Variants in CCDC138 observed in about 807,000 individuals in gnomAD.
CCDC138 encodes coiled-coil domain containing 138, also known as coiled-coil domain-containing protein 138.
CCDC138 carries 66 observed loss-of-function variants against 82.3 expected under a neutral mutation model. That is an observed-to-expected ratio of 0.80 (90% CI 0.66 to 0.98). The LOEUF (loss-of-function observed/expected upper bound fraction) is 0.98, where lower values mean the gene tolerates loss of function less well. CCDC138 is among the 50% of genes least tolerant of loss of function. CCDC138 has a pLI of 0.00. For synonymous variants in CCDC138, 297 were observed against 265.4 expected (o/e 1.12, Z -1.16); for missense variants, 816 against 758.9 (o/e 1.08, Z -0.88).
chr2:108,863,604 G>C (rs1693957999), intron 13 of CCDC138, among the ~76,000 whole-genome samples: 1 of 152,154 alleles, frequency 6.6e-6, no homozygotes, highest in Non-Finnish European at 1.5e-5. Context: ...ATTCTGGTTT[G>C]TTGACTTTAA....
intron 12 of CCDC138, among the ~76,000 whole-genome samples, chr2:108,854,014 T>TATAATAA (rs1330328255): frequency 8.6e-6 from 1 of 116,344 alleles, no homozygotes. Flanking sequence ...ATATATAATA[T>TATAATAA]ATAATAAATT....
At chr2:108,843,876 G>GTGTGTGTT (rs1187530203) in intron 11 of CCDC138, among the ~76,000 whole-genome samples, 1,935 of 13,742 alleles carry the variant, frequency 0.14, 64 homozygotes, top group African/African-American at 0.18. Context: ...GTGTGTGTGT[G>GTGTGTGTT]TGTTTCTTTC....
At chr2:108,806,684 A>G (rs915743327) in intron 7 of CCDC138, among the ~76,000 whole-genome samples, 6 of 152,356 alleles carry the variant, frequency 3.9e-5, no homozygotes, top group African/African-American at 1.4e-4. Context: ...AGCAATGGGC[A>G]TATTTAGCCA....
At chr2:108,819,603 GAA>G (rs1304713366) in intron 10 of CCDC138, among the ~76,000 whole-genome samples, 2 of 152,204 alleles carry the variant, frequency 1.3e-5, no homozygotes, top group Non-Finnish European at 2.9e-5. Context: ...AAGACTGTCA[GAA>G]ACACACATAG....
At chr2:108,824,014 A>G (rs1365585273) in intron 10 of CCDC138, among the ~76,000 whole-genome samples, 1 of 152,112 alleles carries the variant, frequency 6.6e-6, no homozygotes, top group Non-Finnish European at 1.5e-5. Flanking sequence ...ACACCTGAAT[A>G]GAGCACTTAA....
chr2:108,794,941 T>A (rs1169553552), intron 5 of CCDC138, among the ~76,000 whole-genome samples: 1 of 152,190 alleles, frequency 6.6e-6, no homozygotes, highest in Non-Finnish European at 1.5e-5. Flanking sequence ...TGTAGGTGTG[T>A]GTTTCAGACT....
intron 3 of CCDC138, among the ~76,000 whole-genome samples, chr2:108,789,656 C>T (rs1679572808): frequency 6.6e-6 from 1 of 152,170 alleles, no homozygotes; most frequent in Admixed American, 6.5e-5. Flanking sequence ...CAGCATTTTA[C>T]TATCTCTGGT....
chr2:108,855,715 G>A (rs997337991), intron 12 of CCDC138, among the ~76,000 whole-genome samples: 1 of 152,126 alleles, frequency 6.6e-6, no homozygotes, highest in African/African-American at 2.4e-5. Context: ...AGTTTCATAT[G>A]TATTTTCACT....
At chr2:108,820,720 C>CAAAAA (rs60660055) in intron 10 of CCDC138, among the ~76,000 whole-genome samples, 1 of 142,714 alleles carries the variant, frequency 7.0e-6, no homozygotes, top group African/African-American at 2.6e-5. Context: ...AAAAAACAAA[C>CAAAAA]AACAAAACTG....
chr2:108,854,106 AAT>A (rs549865014), intron 12 of CCDC138, among the ~76,000 whole-genome samples: 1 of 134,192 alleles, frequency 7.5e-6, no homozygotes, highest in African/African-American at 2.8e-5. Context: ...ATATATAATA[AAT>A]ATATATAATA....
intron 14 of CCDC138, among the ~76,000 whole-genome samples, chr2:108,874,627 A>G (rs1423102399): frequency 2.0e-5 from 3 of 152,112 alleles, no homozygotes; most frequent in East Asian, 3.9e-4. Flanking sequence ...AGTAAATGCA[A>G]TGCATCTTGA....
intron 9 of CCDC138, among the ~76,000 whole-genome samples, chr2:108,815,006 TA>T (rs893883478): frequency 2.6e-4 from 40 of 152,156 alleles, no homozygotes; most frequent in African/African-American, 8.2e-4. Context: ...GGTATCTTAT[TA>T]AAAAAAATTG....
chr2:108,807,276 T>A (rs1490795467), intron 7 of CCDC138, among the ~76,000 whole-genome samples: 1 of 152,188 alleles, frequency 6.6e-6, no homozygotes, highest in Admixed American at 6.5e-5. Context: ...CATAGGTCCA[T>A]TTTTGCCTAT....
chr2:108,794,366 C>G (rs1268788600), intron 4 of CCDC138, 174 bp from the exon 5 acceptor site: 1 of 186,552 alleles, frequency 5.4e-6, no homozygotes. Flanking sequence ...ATACCCTTCA[C>G]CCAAATTTTC....
Position 108,823,528 on chromosome 2 carries a change from A to G in CCDC138, c.1206+7423A>G, listed in dbSNP as rs765936981. Among the ~76,000 whole-genome samples the G allele has an allele frequency of 2.6e-5, 4 of 152,342 alleles. No individual in the cohort carries two copies. The South Asian group carries it at 6.2e-4, about 24-fold the overall frequency. On this transcript the variant is annotated intron_variant, in intron 10 of 14. Transcript: ENST00000295124. ...ATAACCCTAGGTGATATAGCCTACT[A>G]CCAGCCTAGGCTATATTAGGTAGCC... is the stretch of plus-strand genomic sequence containing the variant.
At chr2:108,873,788 G>C (rs1406886619) in intron 14 of CCDC138, among the ~76,000 whole-genome samples, 199 bp downstream of exon 14, 1 of 152,088 alleles carries the variant, frequency 6.6e-6, no homozygotes, top group East Asian at 1.9e-4. Flanking sequence ...TTTTCAGAAA[G>C]CTTACAAATT....
chr2:108,798,816 T>TACACACACACACAC (rs61201793), intron 6 of CCDC138, among the ~76,000 whole-genome samples: 26 of 131,636 alleles, frequency 2.0e-4, no homozygotes, highest in Middle Eastern at 4.1e-3. Flanking sequence ...TCTCCACACC[T>TACACACACACACAC]ACACACACAC....
At chr2:108,844,048 G>C (rs1405883448) in intron 11 of CCDC138, among the ~76,000 whole-genome samples, 1 of 151,414 alleles carries the variant, frequency 6.6e-6, no homozygotes, top group Non-Finnish European at 1.5e-5. Flanking sequence ...GTTTTGTAGA[G>C]ATAGGGTCTC....
chr2:108,856,857 C>A lies in CCDC138; in HGVS notation c.1580C>A (p.Thr527Asn), dbSNP rs1450475876. 1 of 1,613,160 alleles carries A rather than the reference C, an allele frequency of 6.2e-7. No homozygotes were observed. The highest frequency in any genetic ancestry group is 2.2e-5 in the East Asian group (1 of 44,766). The change falls in exon 13 of 15, where the codon ACC (threonine) becomes AAC (asparagine). Residue 527 changes from threonine to asparagine, a missense_variant. Physicochemically the swap from Thr to Asn is moderately conservative, Grantham distance 65. Coordinates refer to ENST00000295124, the MANE Select transcript of CCDC138 (RefSeq NM_144978.3). ...GACTTGAAGACAGAAGAAGGAAAAA[C>A]CTTGTTTTTGGAGTATCAGGCTGTT... The part of the protein sequence containing the change: ...CLDLKTEEGK[T>N]LFLEYQAVPV...
Sources: allele counts gnomAD v4.1 joint callset (sites outside exome capture counted in the v4.1 genomes callset), GRCh38; gene constraint gnomAD v4.1.1; transcripts MANE v1.5; gene names NCBI Gene and HGNC (gene_info 2026-07-23, HGNC 2026-07-21).